The following CACNA2D1 variants were observed in gnomAD, a reference collection of about 807,000 sequenced individuals.
CACNA2D1 encodes calcium voltage-gated channel auxiliary subunit alpha2delta 1, also known as voltage-dependent calcium channel subunit alpha-2/delta-1.
CACNA2D1 carries 53 observed loss-of-function variants against 171.5 expected under a neutral mutation model. The observed-to-expected ratio is 0.31, with a 90% CI of 0.25 to 0.39. CACNA2D1 has a LOEUF of 0.39. CACNA2D1 is among the 10% of genes least tolerant of loss of function. The pLI is 1.00. For synonymous variants in CACNA2D1, 442 were observed against 443.1 expected (o/e 1.00, Z 0.03); for missense variants, 903 against 1,299.8 (o/e 0.69, Z 4.69).
At chr7:82,075,928 AT>A (rs1176024045) in intron 7 of CACNA2D1, among the ~76,000 whole-genome samples, 5 of 152,156 alleles carry the variant, frequency 3.3e-5, no homozygotes, top group African/African-American at 7.2e-5. Context: ...AAACAGCTAA[AT>A]TTTTTTAGCA....
At chr7:82,063,287 T>G (rs4732419) in intron 9 of CACNA2D1, among the ~76,000 whole-genome samples, 151,476 of 152,268 alleles carry the variant, frequency 0.99, 75,346 homozygotes, top group Non-Finnish European at 1. Context: ...TTAAGAAGAA[T>G]ATCAAGGATT....
intron 29 of CACNA2D1, 70 bp from the exon 30 acceptor site, chr7:81,967,733 ATTT>A: frequency 1.4e-6 from 1 of 737,510 alleles, no homozygotes. Flanking sequence ...TATGACAGTT[ATTT>A]TGATAGCAAG....
chr7:82,239,418 C>T (rs77994900), intron 3 of CACNA2D1, among the ~76,000 whole-genome samples: 6,027 of 152,048 alleles, frequency 0.04, 275 homozygotes, highest in East Asian at 0.11. Flanking sequence ...GCAGACCCCA[C>T]GTCCCTGAAA....
At chr7:82,220,582 T>C (rs1177424392) in intron 3 of CACNA2D1, among the ~76,000 whole-genome samples, 1 of 152,158 alleles carries the variant, frequency 6.6e-6, no homozygotes, top group Non-Finnish European at 1.5e-5. Flanking sequence ...ATAAATCATT[T>C]AATAAAAATA....
At chr7:82,111,255 G>T in intron 6 of CACNA2D1, among the ~76,000 whole-genome samples, 1 of 139,346 alleles carries the variant, frequency 7.2e-6, no homozygotes, top group East Asian at 2.1e-4. Context: ...ACTTTTCCTT[G>T]ATATATATAT....
chr7:82,138,884 G>A (rs1013467443), intron 4 of CACNA2D1, among the ~76,000 whole-genome samples: 3 of 152,066 alleles, frequency 2.0e-5, no homozygotes, highest in African/African-American at 7.2e-5. Flanking sequence ...CTTAGGAGAC[G>A]ATTTTCAATT....
intron 3 of CACNA2D1, among the ~76,000 whole-genome samples, chr7:82,183,762 T>TAGGTACACA (rs375865298): frequency 0.012 from 1,886 of 152,276 alleles, 27 homozygotes; most frequent in Middle Eastern, 0.058. Flanking sequence ...GAAGGTCTAA[T>TAGGTACACA]CAAATAGGTA....
At chr7:82,252,897 A>C (rs1250986963) in intron 3 of CACNA2D1, among the ~76,000 whole-genome samples, 5 of 152,102 alleles carry the variant, frequency 3.3e-5, no homozygotes, top group Non-Finnish European at 5.9e-5. Flanking sequence ...CAGAAAAAAA[A>C]AAACAAACAC....
At chr7:82,188,441 A>G (rs564988445) in intron 3 of CACNA2D1, among the ~76,000 whole-genome samples, 1 of 152,222 alleles carries the variant, frequency 6.6e-6, no homozygotes, top group Admixed American at 6.5e-5. Context: ...AAATTGATGT[A>G]GCAAGAATCT....
At chr7:82,170,706 A>C (rs1450149443) in intron 3 of CACNA2D1, 97 bp from the exon 4 acceptor site, 4 of 1,057,864 alleles carry the variant, frequency 3.8e-6, no homozygotes, top group Non-Finnish European at 5.9e-6. Flanking sequence ...TTGAGGACAT[A>C]AAAAGCAGAA....
intron 6 of CACNA2D1, among the ~76,000 whole-genome samples, chr7:82,090,303 A>C (rs1472383790): frequency 6.6e-6 from 1 of 152,146 alleles, no homozygotes; most frequent in Non-Finnish European, 1.5e-5. Context: ...AAAAAAGAGA[A>C]AAACATTTGT....
intron 4 of CACNA2D1, among the ~76,000 whole-genome samples, chr7:82,144,248 T>C (rs578220347): frequency 6.6e-6 from 1 of 152,214 alleles, no homozygotes; most frequent in Admixed American, 6.5e-5. Flanking sequence ...CTGATACTAA[T>C]ACCATACTTC....
intron 3 of CACNA2D1, among the ~76,000 whole-genome samples, chr7:82,272,242 T>C (rs1808728177): frequency 6.6e-6 from 1 of 152,166 alleles, no homozygotes; most frequent in Non-Finnish European, 1.5e-5. Context: ...AAATATAAAA[T>C]AGCCTTTATT....
intron 4 of CACNA2D1, among the ~76,000 whole-genome samples, chr7:82,144,845 CAG>C (rs1792798615): frequency 6.6e-6 from 1 of 151,870 alleles, no homozygotes; most frequent in African/African-American, 2.4e-5. Context: ...GCTTGAATAT[CAG>C]AGTTTTATTT....
At chr7:82,438,967 C>A (rs1830299312) in intron 1 of CACNA2D1, among the ~76,000 whole-genome samples, 1 of 151,984 alleles carries the variant, frequency 6.6e-6, no homozygotes, top group Admixed American at 6.5e-5. Flanking sequence ...TGCTTATGTC[C>A]ATACATATAA....
intron 2 of CACNA2D1, among the ~76,000 whole-genome samples, chr7:82,338,929 A>G (rs1818302940): frequency 6.6e-6 from 1 of 152,106 alleles, no homozygotes; most frequent in Non-Finnish European, 1.5e-5. Context: ...GGAAGCAGAC[A>G]CCCAGCTGAA....
chr7:82,355,289 T>C (rs1429202985), intron 1 of CACNA2D1, among the ~76,000 whole-genome samples: 1 of 152,166 alleles, frequency 6.6e-6, no homozygotes, highest in Non-Finnish European at 1.5e-5. Context: ...GCAACTCATG[T>C]ATATCTGGTT....
intron 3 of CACNA2D1, among the ~76,000 whole-genome samples, chr7:82,209,696 C>A (rs1800368321): frequency 6.6e-6 from 1 of 151,982 alleles, no homozygotes; most frequent in Non-Finnish European, 1.5e-5. Context: ...TTTCTTATAA[C>A]CAAAGAAACA....
At chr7:82,125,174 A>G (rs1360057115) in intron 5 of CACNA2D1, among the ~76,000 whole-genome samples, 1 of 152,250 alleles carries the variant, frequency 6.6e-6, no homozygotes, top group African/African-American at 2.4e-5. Context: ...CAAATGTCCC[A>G]GACAGGAGAA....
Sources: allele counts gnomAD v4.1 joint callset (sites outside exome capture counted in the v4.1 genomes callset), GRCh38; gene constraint gnomAD v4.1.1; transcripts MANE v1.5; gene names NCBI Gene and HGNC (gene_info 2026-07-23, HGNC 2026-07-21).